The following C8orf34 variants were observed in gnomAD, a reference collection of about 807,000 sequenced individuals.
C8orf34 encodes chromosome 8 open reading frame 34, also known as uncharacterized protein C8orf34.
Under a neutral mutation model 68.3 loss-of-function variants are expected in C8orf34, and 65 were observed. The observed-to-expected ratio is 0.95, with a 90% CI of 0.78 to 1.17. C8orf34 has a LOEUF of 1.17. Ranked by LOEUF, C8orf34 falls within the 50% of genes most tolerant of loss-of-function variation. The pLI is 0.00. For synonymous variants in C8orf34, 244 were observed against 241.2 expected, an observed-to-expected ratio of 1.01 and a Z score of -0.11; for missense variants, 664 against 655.4, an observed-to-expected ratio of 1.01 and a Z score of -0.14.
chr8:68,745,876 C>A (rs1411919499), intron 10 of C8orf34, among the ~76,000 whole-genome samples: 1 of 152,144 alleles, frequency 6.6e-6, no homozygotes, highest in African/African-American at 2.4e-5. Flanking sequence ...AGGTCTGCAC[C>A]AAGTGGACCT....
At chr8:68,469,688 C>T (rs1212577693) in intron 4 of C8orf34, among the ~76,000 whole-genome samples, 5 of 151,888 alleles carry the variant, frequency 3.3e-5, no homozygotes. Context: ...GCCATGGCCT[C>T]ACCAAAATTT....
At chr8:68,399,664 G>C (rs578067246) in intron 1 of C8orf34, among the ~76,000 whole-genome samples, 7 of 151,994 alleles carry the variant, frequency 4.6e-5, no homozygotes, top group Admixed American at 4.6e-4. Context: ...CTTTTCCTTT[G>C]GGTAGATTCC....
intron 5 of C8orf34, among the ~76,000 whole-genome samples, chr8:68,491,243 T>G (rs79374625): frequency 1.4e-5 from 2 of 140,900 alleles, no homozygotes; most frequent in African/African-American, 5.4e-5. Flanking sequence ...TTTTTTAAGC[T>G]TTTTTTTTTT....
chr8:68,787,660 G>A, intron 12 of C8orf34, 124 bp downstream of exon 12: 2 of 584,812 alleles, frequency 3.4e-6, no homozygotes, highest in Non-Finnish European at 3.0e-6. Context: ...ACTCTGTTAG[G>A]AAGAACATGT....
chr8:68,649,045 G>A lies in C8orf34; in HGVS notation c.1241+8534G>A, dbSNP rs533537112. On this transcript the variant is annotated intron_variant, in intron 8 of 13. Coordinates refer to ENST00000518698, the MANE Select transcript of C8orf34 (RefSeq NM_052958.4). ...ATTTTTTTTCTTAACTATTTTACAC[G>A]TTTATATTCAGCAGCTTCCCATGGG... 8.6e-5 allele frequency among the ~76,000 whole-genome samples: 13 copies of A among 151,812 alleles called. 1 individual carries two copies. Among genetic ancestry groups the A allele is most frequent in the South Asian group, 6.2e-4 (3 of 4,810 alleles).
rs28558249 is a variant in C8orf34, at chr8:68,432,200, T to C, written c.328-7299T>C. On this transcript the variant is annotated intron_variant, in intron 1 of 13. Coordinates refer to ENST00000518698, the MANE Select transcript of C8orf34 (RefSeq NM_052958.4). ...GCACCGTTGTAAAAGTGCATATATGTTGTCTGGATTATGCATCTTGTATGC... is the reference window on the plus strand; with the variant it reads ...GCACCGTTGTAAAAGTGCATATATGCTGTCTGGATTATGCATCTTGTATGC... Among the ~76,000 whole-genome samples the C allele has an allele frequency of 1.9e-3, 286 of 151,888 alleles. 3 individuals are homozygous for C. The highest frequency in any genetic ancestry group is 6.6e-3 in the African/African-American group (274 of 41,406).
intron 1 of C8orf34, among the ~76,000 whole-genome samples, chr8:68,397,101 A>T (rs573973736): frequency 4.0e-5 from 6 of 151,896 alleles, no homozygotes; most frequent in Admixed American, 3.9e-4. Context: ...CCATCTCCCA[A>T]GTTCAAGCAA....
At chr8:68,768,080 T>C (rs1823232184) in intron 10 of C8orf34, among the ~76,000 whole-genome samples, 1 of 152,210 alleles carries the variant, frequency 6.6e-6, no homozygotes, top group Non-Finnish European at 1.5e-5. Flanking sequence ...CTCCTGAAGA[T>C]AACCCTTACT....
At chr8:68,675,710 A>G (rs1820166474) in intron 8 of C8orf34, among the ~76,000 whole-genome samples, 1 of 152,196 alleles carries the variant, frequency 6.6e-6, no homozygotes, top group South Asian at 2.1e-4. Context: ...TAACTAGAAA[A>G]CAAATAAAAA....
intron 7 of C8orf34, 35 bp downstream of exon 7, chr8:68,533,184 C>T (rs754080954): frequency 6.5e-7 from 1 of 1,539,972 alleles, no homozygotes; most frequent in Non-Finnish European, 8.7e-7. Context: ...TCATTTTCTT[C>T]TTTGACATTG....
intron 10 of C8orf34, among the ~76,000 whole-genome samples, chr8:68,773,354 T>A (rs1823408467): frequency 6.6e-6 from 1 of 152,168 alleles, no homozygotes; most frequent in Non-Finnish European, 1.5e-5. Context: ...CTTCAAAATG[T>A]TAGTTTCCTC....
chr8:68,813,413 G>A (rs1455020539), intron 12 of C8orf34, among the ~76,000 whole-genome samples: 1 of 150,414 alleles, frequency 6.6e-6, no homozygotes, highest in Admixed American at 6.6e-5. Context: ...ACCCTCCCTT[G>A]CCCCACACTC....
rs186982471 is a variant in C8orf34 at position 68,491,752 on chromosome 8, G to A, written c.765+3701G>A. 1.1e-4 allele frequency among the ~76,000 whole-genome samples: 16 copies of A among 152,290 alleles called. No individual in the cohort carries two copies. In the East Asian group the frequency reaches 3.1e-3, roughly 29 times the overall value. On this transcript the variant is annotated intron_variant, in intron 5 of 13. Transcript: ENST00000518698. The stretch of plus-strand genomic sequence containing the variant: ...TAGAAATGTAAATATTAATTCATTT[G>A]TAATGGAACATATTCACAGGTTTCG...
intron 1 of C8orf34, among the ~76,000 whole-genome samples, chr8:68,367,912 G>GGA (rs1807364051): frequency 1.3e-5 from 1 of 79,116 alleles, no homozygotes; most frequent in Non-Finnish European, 2.3e-5. Flanking sequence ...AAAAAGAAAA[G>GGA]AAAAAAAAAA....
intron 12 of C8orf34, among the ~76,000 whole-genome samples, chr8:68,797,840 A>G (rs554267171): frequency 1.3e-5 from 2 of 152,336 alleles, no homozygotes; most frequent in South Asian, 4.1e-4. Flanking sequence ...TAGGCACTAG[A>G]GATTTGGGTA....
intron 8 of C8orf34, among the ~76,000 whole-genome samples, chr8:68,694,367 GCTA>G (rs1439693279): frequency 6.6e-6 from 1 of 152,032 alleles, no homozygotes; most frequent in Non-Finnish European, 1.5e-5. Flanking sequence ...TGCTTTATAT[GCTA>G]CTTCTATAGA....
intron 4 of C8orf34, among the ~76,000 whole-genome samples, chr8:68,478,472 C>T (rs1006165316): frequency 2.6e-5 from 4 of 152,202 alleles, no homozygotes; most frequent in African/African-American, 9.7e-5. Context: ...ACTGTTCCAA[C>T]CTCTGCCTGT....
chr8:68,572,004 G>A (rs1212596613), intron 7 of C8orf34, among the ~76,000 whole-genome samples: 1 of 152,112 alleles, frequency 6.6e-6, no homozygotes, highest in African/African-American at 2.4e-5. Flanking sequence ...GTGTATGTAG[G>A]CTATAAGGTG....
chr8:68,438,533 G>C (rs1810759912), intron 1 of C8orf34: 1 of 152,038 alleles, frequency 6.6e-6, no homozygotes, highest in Non-Finnish European at 1.5e-5. Flanking sequence ...CTGATTTTTT[G>C]AGCACTAGAA....
Sources: gnomAD v4.1 joint callset for allele counts (sites outside exome capture counted in the v4.1 genomes callset) on GRCh38, gnomAD v4.1.1 for gene constraint, MANE v1.5 for transcripts, NCBI Gene and HGNC (gene_info 2026-07-23, HGNC 2026-07-21) for gene names.